GDF2: variants seen among roughly 807,000 people sequenced by gnomAD.
GDF2 encodes the protein growth/differentiation factor 2.
A neutral mutation model predicts 16.9 loss-of-function variants in GDF2; 17 were observed. The observed-to-expected ratio is 1.00, with a 90% CI of 0.69 to 1.51. The LOEUF (loss-of-function observed/expected upper bound fraction) is 1.51. Among genes scored for constraint, GDF2 ranks in the 40% most tolerant of loss-of-function variants. GDF2 has a pLI of 0.00. For synonymous variants in GDF2, 276 were observed against 237.6 expected (o/e 1.16, Z -1.49); for missense variants, 523 against 556.3 (o/e 0.94, Z 0.60).
At position 47,322,780 on chromosome 10, in the gene GDF2, C is replaced by G; in HGVS notation, c.112C>G (p.His38Asp). 6.2e-7 allele frequency: 1 copy of G among 1,613,210 alleles called. No homozygotes were observed. Among genetic ancestry groups the G allele is most frequent in the Non-Finnish European group, 8.5e-7 (1 of 1,179,492 alleles). Reference protein sequence around the residue: ...WGRGSAGGNAHSPLGVPGGGL... With the variant: ...WGRGSAGGNADSPLGVPGGGL... ...ACGAGGGTCTGCTGGGGGAAACGCC[C>G]ACAGCCCACTGGGGGTGCCTGGAGG... is the stretch of plus-strand genomic sequence containing the variant. The change falls in exon 1 of 2, where the codon CAC becomes GAC. Residue 38 changes from histidine (H) to aspartate (D), a missense_variant. Physicochemically the swap from His to Asp is moderately conservative, Grantham distance 81 (BLOSUM62 -1). Coordinates refer to ENST00000581492, the MANE Select transcript of GDF2 (RefSeq NM_016204.4).
At position 47,326,695 on chromosome 10, in the gene GDF2, G is replaced by A. The variant is rs1272360871; in HGVS notation, c.*911G>A. 6.6e-6 allele frequency among the ~76,000 whole-genome samples: 1 copy of A among 152,218 alleles called. No individual in the cohort carries two copies. On this transcript the variant is annotated 3_prime_UTR_variant, in exon 2 of 2. Transcript: ENST00000581492. ...GCTCCCACGGCCAGTGGTGCACACA[G>A]GGCCATTCACTGTCCATAGACTGAA...
rs782121121 is a variant in GDF2, at chr10:47,325,308, C to T, written c.814C>T (p.Leu272=). ...TGGGACCAAGGAGACCAGGCTGGAG[C>T]TGAGGGAGATGATCAGCCATGAACA... The part of the protein sequence containing the change: ...SSGTKETRLE[L]REMISHEQES... The change falls in exon 2 of 2, where the codon CTG becomes TTG. Residue 272 remains leucine (L), a synonymous_variant. Coordinates refer to ENST00000581492, the MANE Select transcript of GDF2 (RefSeq NM_016204.4). 13 of 1,614,144 alleles carry T rather than the reference C, an allele frequency of 8.1e-6. No homozygotes were observed. Among genetic ancestry groups the T allele is most frequent in the Non-Finnish European group, 8.5e-6 (10 of 1,180,032 alleles).
intron 1 of GDF2, among the ~76,000 whole-genome samples, chr10:47,324,547 A>G (rs1326759374): frequency 6.6e-6 from 1 of 152,206 alleles, no homozygotes; most frequent in East Asian, 1.9e-4. Context: ...GGTAAGTGAG[A>G]GGATTAAGGT....
chr10:47,324,391 A>G (rs1555208832), intron 1 of GDF2, among the ~76,000 whole-genome samples: 3 of 152,140 alleles, frequency 2.0e-5, no homozygotes, highest in Non-Finnish European at 4.4e-5. Context: ...TCTGACAGTG[A>G]GTTTTTCTGT....
In GDF2 at chr10:47,326,458, A is replaced by G. The variant is rs1379905482; in HGVS notation, c.*674A>G. Among the ~76,000 whole-genome samples the G allele has an allele frequency of 6.6e-6, 1 of 152,206 alleles. No homozygotes were observed. Among genetic ancestry groups the G allele is most frequent in the Non-Finnish European group, 1.5e-5 (1 of 68,030 alleles). Reference sequence around the variant, plus strand: ...CAGGCCAGGCTGAGGCCCATCAGTCACAGGTGTGACTGGGCTGCTTGTCAC... The same window carrying G: ...CAGGCCAGGCTGAGGCCCATCAGTCGCAGGTGTGACTGGGCTGCTTGTCAC... On this transcript the variant is annotated 3_prime_UTR_variant, in exon 2 of 2. Coordinates refer to ENST00000581492, the MANE Select transcript of GDF2 (RefSeq NM_016204.4).
At chr10:47,323,098 A>G in intron 1 of GDF2, 84 bp downstream of exon 1, 1 of 904,082 alleles carries the variant, frequency 1.1e-6, no homozygotes, top group Non-Finnish European at 1.7e-6. Flanking sequence ...GCCACTGGCC[A>G]TAGGAGGCTC....
At position 47,325,210 on chromosome 10, in the gene GDF2, C is replaced by A. The variant is rs782560993; in HGVS notation, c.716C>A (p.Thr239Lys). 1 of 1,614,050 alleles carries A rather than the reference C, an allele frequency of 6.2e-7. No individual in the cohort carries two copies. Among genetic ancestry groups the A allele is most frequent in the South Asian group, 1.1e-5 (1 of 91,064 alleles). ...TVESHRKGCD[T>K]LDISVPPGSR... The stretch of plus-strand genomic sequence containing the variant: ...GAGAGCCACAGGAAGGGCTGCGACA[C>A]GCTGGACATCAGTGTCCCCCCAGGT... Residue 239 changes from threonine to lysine, a missense_variant, in exon 2 of 2, where the codon ACG becomes AAG. Thr to Lys is a moderately conservative substitution (Grantham distance 78). Coordinates refer to ENST00000581492, the MANE Select transcript of GDF2 (RefSeq NM_016204.4).
Position 47,325,417 on chromosome 10 carries a change from T to C in GDF2, c.923T>C (p.Val308Ala). The change falls in exon 2 of 2, where the codon GTG (valine) becomes GCG (alanine). Residue 308 changes from valine (V) to alanine (A), a missense_variant. Transcript: ENST00000581492. The stretch of plus-strand genomic sequence containing the variant: ...CACGAGGAGGACACGGATGGCCACG[T>C]GGCTGCGGGGTCGACTTTAGCCAGG... The part of the protein sequence containing the change: ...SSHEEDTDGH[V>A]AAGSTLARRK... The C allele has an allele frequency of 1.2e-6, 2 of 1,613,902 alleles. No individual in the cohort carries two copies. Among genetic ancestry groups the C allele is most frequent in the Non-Finnish European group, 1.7e-6 (2 of 1,180,024 alleles).
Position 47,327,509 on chromosome 10 carries a change from T to C in GDF2, c.*1725T>C, listed in dbSNP as rs879968796. 6.6e-6 allele frequency among the ~76,000 whole-genome samples: 1 copy of C among 152,192 alleles called. No individual in the cohort carries two copies. Among genetic ancestry groups the C allele is most frequent in the Non-Finnish European group, 1.5e-5 (1 of 68,038 alleles). ...TACAATGCTATTCCAAGTTGGGTGT[T>C]GAGCATCTTCTTTCAGTCCTGGTGG... On this transcript the variant is annotated 3_prime_UTR_variant, in exon 2 of 2. Coordinates refer to ENST00000581492, the MANE Select transcript of GDF2 (RefSeq NM_016204.4).
Position 47,325,284 on chromosome 10 carries a change from G to A in GDF2, c.790G>A (p.Gly264Arg), listed in dbSNP as rs372281923. The change falls in exon 2 of 2, where the codon GGG becomes AGG. Residue 264 changes from glycine to arginine, a missense_variant. Gly to Arg is a moderately radical substitution (Grantham distance 125, BLOSUM62 -2). Transcript: ENST00000581492. ...FVVFSNDHSS[G>R]TKETRLELRE... ...TGTCTTCTCCAATGACCACAGCAGT[G>A]GGACCAAGGAGACCAGGCTGGAGCT... The A allele has an allele frequency of 4.3e-6, 7 of 1,614,072 alleles. No individual in the cohort carries two copies. Among genetic ancestry groups the A allele is most frequent in the Non-Finnish European group, 5.9e-6 (7 of 1,180,050 alleles).
In GDF2 at chr10:47,325,855, C is replaced by G; in HGVS notation, c.*71C>G. ...GAGAGGTCCTGCATGCCCCTGGGCA[C>G]AACAAGGACTGATTCAATCTGCATG... is the stretch of plus-strand genomic sequence containing the variant. On this transcript the variant is annotated 3_prime_UTR_variant, in exon 2 of 2. Transcript: ENST00000581492. The G allele has an allele frequency of 8.9e-7, 1 of 1,121,374 alleles. No homozygotes were observed. The highest frequency in any genetic ancestry group is 1.6e-5 in the African/African-American group (1 of 63,714). The allele number at this position is 1,121,374 out of a possible 1,614,324, so 69.5% of individuals were successfully genotyped here.
rs1555209095 is a variant in GDF2, at chr10:47,325,734, C to A, written c.1240C>A (p.Leu414Ile). The stretch of plus-strand genomic sequence containing the variant: ...CAAGGATGACATGGGGGTGCCCACC[C>A]TCAAGTACCATTACGAGGGCATGAG... ...LYKDDMGVPT[L>I]KYHYEGMSVA... is the part of the protein sequence containing the mutation. Residue 414 changes from leucine (L) to isoleucine (I), a missense_variant, in exon 2 of 2, where the codon CTC becomes ATC. Physicochemically the swap from Leu to Ile is conservative, Grantham distance 5. Coordinates refer to ENST00000581492, the MANE Select transcript of GDF2 (RefSeq NM_016204.4). 5 of 1,574,238 alleles carry A rather than the reference C, an allele frequency of 3.2e-6. No homozygotes were observed. In the Admixed American group the frequency reaches 7.0e-5, roughly 22 times the overall value.
Position 47,325,801 on chromosome 10 carries a change from TG to T in GDF2, c.*21del. ...TGCAGGTAGTATCTGCCTGCGGGGC[TG>T]GGGAGGCAGGCCAAAGGGGCTCCAC... On this transcript the variant is annotated 3_prime_UTR_variant, in exon 2 of 2. Coordinates refer to ENST00000581492, the MANE Select transcript of GDF2 (RefSeq NM_016204.4). 6.6e-7 allele frequency: 1 copy of T among 1,505,806 alleles called. No homozygotes were observed. The highest frequency in any genetic ancestry group is 8.9e-7 in the Non-Finnish European group (1 of 1,124,056). 93.3% of individuals were successfully genotyped at this position (1,505,806 alleles called of 1,614,324 possible).
Position 47,325,853 on chromosome 10 carries a change from C to T in GDF2, c.*69C>T, listed in dbSNP as rs946338146. The T allele has an allele frequency of 2.4e-5, 28 of 1,154,538 alleles. No individual in the cohort carries two copies. Among genetic ancestry groups the T allele is most frequent in the Admixed American group, 5.6e-5 (2 of 35,422 alleles). The allele number at this position is 1,154,538 out of a possible 1,614,324, so 71.5% of individuals were successfully genotyped here. On this transcript the variant is annotated 3_prime_UTR_variant, in exon 2 of 2. Coordinates refer to ENST00000581492, the MANE Select transcript of GDF2 (RefSeq NM_016204.4). ...ATGAGAGGTCCTGCATGCCCCTGGG[C>T]ACAACAAGGACTGATTCAATCTGCA...
Position 47,325,547 on chromosome 10 carries a change from T to C in GDF2, c.1053T>C (p.Tyr351=), listed in dbSNP as rs782627415. The change falls in exon 2 of 2, where the codon TAT becomes TAC. Residue 351 remains tyrosine (Y), a synonymous_variant. Transcript: ENST00000581492. ...WDSWIIAPKE[Y]EAYECKGGCF... ...GCTGGATCATTGCACCCAAGGAGTA[T>C]GAAGCCTACGAGTGTAAGGGCGGCT... 13 of 1,613,806 alleles carry C rather than the reference T, an allele frequency of 8.1e-6. No individual in the cohort carries two copies.
Position 47,322,562 on chromosome 10 carries a change from C to A in GDF2, c.-107C>A. The A allele has an allele frequency of 2.4e-6, 2 of 833,658 alleles. No individual in the cohort carries two copies. Among genetic ancestry groups the A allele is most frequent in the Non-Finnish European group, 1.8e-6 (1 of 554,392 alleles). The allele number at this position is 833,658 out of a possible 1,614,324, so 51.6% of individuals were successfully genotyped here. ...GCTGGCCAGGACGGTTCCTTCAGAG[C>A]AAACAGCAGGGAGATGCCGGCCCGC... On this transcript the variant is annotated 5_prime_UTR_variant, in exon 1 of 2. Coordinates refer to ENST00000581492, the MANE Select transcript of GDF2 (RefSeq NM_016204.4).
In GDF2 at chr10:47,322,721, G is replaced by A. The variant is rs782451297; in HGVS notation, c.53G>A (p.Gly18Asp). 1 of 1,596,906 alleles carries A rather than the reference G, an allele frequency of 6.3e-7. No homozygotes were observed. Among genetic ancestry groups the A allele is most frequent in the Non-Finnish European group, 8.6e-7 (1 of 1,168,302 alleles). The change falls in exon 1 of 2, where the codon GGC becomes GAC. Residue 18 changes from glycine to aspartate, a missense_variant. Physicochemically the swap from Gly to Asp is moderately conservative, Grantham distance 94. Transcript: ENST00000581492. ...VALPLLSLLA[G>D]SLQGKPLQSW... The stretch of plus-strand genomic sequence containing the variant: ...CTGCCCCTGCTGTCCCTGCTGGCTG[G>A]CTCCCTACAGGGGAAGCCACTGCAG...
In GDF2 at chr10:47,325,655, G is replaced by A. The variant is rs1342489273; in HGVS notation, c.1161G>A (p.Lys387=). The A allele has an allele frequency of 6.2e-7, 1 of 1,613,290 alleles. No homozygotes were observed. Among genetic ancestry groups the A allele is most frequent in the East Asian group, 2.2e-5 (1 of 44,856 alleles). ...TGGTGCATCTCAAGTTCCCCACAAA[G>A]GTGGGCAAGGCCTGCTGTGTGCCCA... ...QTLVHLKFPT[K]VGKACCVPTK... Residue 387 remains lysine, a synonymous_variant, in exon 2 of 2, where the codon AAG becomes AAA. Coordinates refer to ENST00000581492, the MANE Select transcript of GDF2 (RefSeq NM_016204.4).
In GDF2 at chr10:47,325,339, G is replaced by C; in HGVS notation, c.845G>C (p.Ser282Thr). The change falls in exon 2 of 2, where the codon AGC becomes ACC. Residue 282 changes from serine (S) to threonine (T), a missense_variant. Coordinates refer to ENST00000581492, the MANE Select transcript of GDF2 (RefSeq NM_016204.4). ...LREMISHEQESVLKKLSKDGS... is the reference protein window; with the variant it reads ...LREMISHEQETVLKKLSKDGS... The stretch of plus-strand genomic sequence containing the variant: ...GAGATGATCAGCCATGAACAAGAGA[G>C]CGTGCTCAAGAAGCTGTCCAAGGAC... The C allele has an allele frequency of 1.9e-6, 3 of 1,614,218 alleles. No individual in the cohort carries two copies. Among genetic ancestry groups the C allele is most frequent in the South Asian group, 2.2e-5 (2 of 91,084 alleles).
Sources: gnomAD v4.1 joint callset for allele counts (sites outside exome capture counted in the v4.1 genomes callset) on GRCh38, gnomAD v4.1.1 for gene constraint, MANE v1.5 for transcripts, NCBI Gene and HGNC (gene_info 2026-07-23, HGNC 2026-07-21) for gene names.